The following PBX3 variants were observed in gnomAD, a reference collection of about 807,000 sequenced individuals.
PBX3 encodes the protein pre-B-cell leukemia transcription factor 3.
PBX3 carries 14 observed loss-of-function variants against 48.5 expected under a neutral mutation model. The ratio of observed to expected loss-of-function variants is 0.29; its 90% CI spans 0.19 to 0.45. PBX3 has a LOEUF of 0.45. Among genes scored for constraint, PBX3 ranks in the 20% least tolerant of loss-of-function variants. PBX3 has a pLI of 1.00. For missense variants in PBX3, 386 were observed against 546.7 expected (o/e 0.71, Z 2.93); for synonymous variants, 210 against 200.3 (o/e 1.05, Z -0.41).
At chr9:125,751,772 C>T (rs1343230256) in intron 2 of PBX3, among the ~76,000 whole-genome samples, 3 of 152,154 alleles carry the variant, frequency 2.0e-5, no homozygotes, top group African/African-American at 4.8e-5. Flanking sequence ...CATATTTTAT[C>T]ATCTGTCTCT....
intron 2 of PBX3, among the ~76,000 whole-genome samples, chr9:125,855,977 TA>T (rs979071091): frequency 6.6e-6 from 1 of 152,082 alleles, no homozygotes; most frequent in Non-Finnish European, 1.5e-5. Flanking sequence ...TTTTTTTAAA[TA>T]AAAAAATTTA....
intron 2 of PBX3, among the ~76,000 whole-genome samples, chr9:125,795,696 A>C (rs1255425006): frequency 1.3e-5 from 2 of 152,206 alleles, no homozygotes; most frequent in East Asian, 3.8e-4. Flanking sequence ...TGACACTGTA[A>C]GACCATGGGC....
At chr9:125,820,715 A>C (rs1189288923) in intron 2 of PBX3, among the ~76,000 whole-genome samples, 1 of 152,214 alleles carries the variant, frequency 6.6e-6, no homozygotes, top group African/African-American at 2.4e-5. Flanking sequence ...AATGCTGGTG[A>C]CAGTAAGTCT....
chr9:125,772,698 A>G (rs1187879545), intron 2 of PBX3, among the ~76,000 whole-genome samples: 1 of 152,230 alleles, frequency 6.6e-6, no homozygotes, highest in Non-Finnish European at 1.5e-5. Flanking sequence ...ACCTAATGTG[A>G]TACGTGGTAT....
chr9:125,960,067 C>T (rs1485348984), intron 5 of PBX3, among the ~76,000 whole-genome samples: 2 of 151,954 alleles, frequency 1.3e-5, no homozygotes, highest in Non-Finnish European at 2.9e-5. Flanking sequence ...AGAGTTGCTC[C>T]TCTGTGTTTA....
At chr9:125,840,375 C>CT (rs1362373568) in intron 2 of PBX3, among the ~76,000 whole-genome samples, 3 of 151,628 alleles carry the variant, frequency 2.0e-5, no homozygotes, top group Admixed American at 6.6e-5. Flanking sequence ...GTATGCTGGC[C>CT]TTTTAGCAAT....
At chr9:125,876,649 G>C (rs1840255889) in intron 2 of PBX3, among the ~76,000 whole-genome samples, 1 of 152,124 alleles carries the variant, frequency 6.6e-6, no homozygotes, top group Admixed American at 6.6e-5. Flanking sequence ...TCAACAGTAG[G>C]CTATTAGAAG....
chr9:125,921,642 T>G (rs1301842314), intron 3 of PBX3, among the ~76,000 whole-genome samples: 1 of 152,178 alleles, frequency 6.6e-6, no homozygotes, highest in Non-Finnish European at 1.5e-5. Flanking sequence ...TCTTTGTGGT[T>G]GTTCCTTAGG....
chr9:125,945,763 C>G (rs1209835951), intron 5 of PBX3, among the ~76,000 whole-genome samples: 1 of 152,142 alleles, frequency 6.6e-6, no homozygotes, highest in Non-Finnish European at 1.5e-5. Context: ...ATGCTAGGTT[C>G]ACATTGCCTT....
intron 2 of PBX3, among the ~76,000 whole-genome samples, chr9:125,831,770 G>A (rs1838968618): frequency 6.6e-6 from 1 of 152,124 alleles, no homozygotes; most frequent in Non-Finnish European, 1.5e-5. Context: ...CATTTGTCCA[G>A]TGGGAACCCC....
At chr9:125,844,049 A>T (rs1043317399) in intron 2 of PBX3, among the ~76,000 whole-genome samples, 20 of 152,140 alleles carry the variant, frequency 1.3e-4, no homozygotes, top group African/African-American at 4.6e-4. Flanking sequence ...CCAGATGTTT[A>T]AAAAAATTAT....
chr9:125,781,803 C>T (rs1564651866), intron 2 of PBX3, among the ~76,000 whole-genome samples: 2 of 148,796 alleles, frequency 1.3e-5, no homozygotes, highest in Non-Finnish European at 3.0e-5. Context: ...GATTTGAGAT[C>T]TTTTTTTTTT....
chr9:125,799,506 AAAAC>A (rs369088587), intron 2 of PBX3, among the ~76,000 whole-genome samples: 25 of 152,240 alleles, frequency 1.6e-4, no homozygotes, highest in African/African-American at 3.9e-4. Flanking sequence ...ACCCTGTCTC[AAAAC>A]AAACAGACAA....
At chr9:125,781,302 G>A (rs1011451629) in intron 2 of PBX3, among the ~76,000 whole-genome samples, 2 of 151,860 alleles carry the variant, frequency 1.3e-5, no homozygotes, top group African/African-American at 2.4e-5. Context: ...CGGATCACTC[G>A]CTGTTAGGAG....
chr9:125,893,853 TATC>T (rs1326672976), intron 2 of PBX3, among the ~76,000 whole-genome samples: 1 of 152,162 alleles, frequency 6.6e-6, no homozygotes, highest in African/African-American at 2.4e-5. Context: ...CATTATGGCT[TATC>T]ATAGAACAAT....
At chr9:125,839,521 G>A (rs1839230127) in intron 2 of PBX3, among the ~76,000 whole-genome samples, 1 of 152,156 alleles carries the variant, frequency 6.6e-6, no homozygotes. Context: ...CTCCTGTTGT[G>A]CCGGATGAAC....
intron 2 of PBX3, among the ~76,000 whole-genome samples, chr9:125,823,081 C>G (rs1838701853): frequency 6.6e-6 from 1 of 151,708 alleles, no homozygotes; most frequent in African/African-American, 2.4e-5. Context: ...GCAAGTATGC[C>G]TCTTGTATGT....
rs569887897 is a variant in PBX3 at position 125,837,992 on chromosome 9, C to T, written c.275-77694C>T. Among the ~76,000 whole-genome samples, 4 of 152,270 alleles carry T rather than the reference C, an allele frequency of 2.6e-5. No homozygotes were observed. In the South Asian group the frequency reaches 8.3e-4, roughly 32 times the overall value. On this transcript the variant is annotated intron_variant, in intron 2 of 8. Coordinates refer to ENST00000373489, the MANE Select transcript of PBX3 (RefSeq NM_006195.6). ...ACCCTGTTGAAATGGTAGATAGAAACATTTTAATAGCAAAGCCAATGCCAT... is the reference window on the plus strand; with the variant it reads ...ACCCTGTTGAAATGGTAGATAGAAATATTTTAATAGCAAAGCCAATGCCAT...
chr9:125,806,004 G>A (rs940099369), intron 2 of PBX3, among the ~76,000 whole-genome samples: 2 of 152,246 alleles, frequency 1.3e-5, no homozygotes, highest in East Asian at 1.9e-4. Flanking sequence ...ATGTATCTAT[G>A]TATCCATCTC....
Sources: allele counts gnomAD v4.1 joint callset (sites outside exome capture counted in the v4.1 genomes callset), GRCh38; gene constraint gnomAD v4.1.1; transcripts MANE v1.5; gene names NCBI Gene and HGNC (gene_info 2026-07-23, HGNC 2026-07-21).